SLC26A8: variants seen among roughly 807,000 people sequenced by gnomAD.
SLC26A8 encodes testis anion transporter 1.
A neutral mutation model predicts 105.0 loss-of-function variants in SLC26A8; 70 were observed. The ratio of observed to expected loss-of-function variants is 0.67; its 90% confidence interval spans 0.55 to 0.81. The LOEUF is 0.81. SLC26A8 is among the 40% of genes least tolerant of loss of function. The probability of loss-of-function intolerance (pLI) is 0.00; values close to 1 mark genes in which losing one functional copy is unlikely to be tolerated. For missense variants in SLC26A8, 998 were observed against 1,181.8 expected (o/e 0.84, Z 2.28); for synonymous variants, 415 against 438.3 (o/e 0.95, Z 0.66).
chr6:35,953,378 T>C lies in SLC26A8; in HGVS notation c.2232+1774A>G, dbSNP rs545418942. On this transcript the variant is annotated intron_variant, in intron 17 of 19. Coordinates refer to ENST00000490799, the MANE Select transcript of SLC26A8 (RefSeq NM_052961.4). ...AGAGAAAGTATGATATAAAGTCAGA[T>C]ACTTAAAAGTTTCAATGCTGGACAG... Among the ~76,000 whole-genome samples the C allele has an allele frequency of 8.0e-5, 12 of 150,396 alleles. No homozygotes were observed. The South Asian group carries it at 2.3e-3, about 29-fold the overall frequency.
rs1252814355 is a variant in SLC26A8, at chr6:36,000,083, C to T, written c.354G>A (p.Arg118=). Reference sequence around the variant, plus strand: ...CGATGTTGAGAGGAGGAATCAGTTGCCTTGCCAGCAAACTAAGTGTCAGGC... The same window carrying T: ...CGATGTTGAGAGGAGGAATCAGTTGTCTTGCCAGCAAACTAAGTGTCAGGC... The part of the protein sequence containing the change: ...PQGLTLSLLA[R]QLIPPLNIAY... The change falls in exon 4 of 20, where the codon AGG becomes AGA. Residue 118 remains arginine (R), a synonymous_variant. Coordinates refer to ENST00000490799, the MANE Select transcript of SLC26A8 (RefSeq NM_052961.4). 6.2e-7 allele frequency: 1 copy of T among 1,613,904 alleles called. No homozygotes were observed. Among genetic ancestry groups the T allele is most frequent in the Non-Finnish European group, 8.5e-7 (1 of 1,179,860 alleles).
intron 7 of SLC26A8, among the ~76,000 whole-genome samples, chr6:35,986,410 C>G (rs151009960): frequency 7.9e-5 from 12 of 152,180 alleles, no homozygotes; most frequent in Non-Finnish European, 1.6e-4. Flanking sequence ...TTGTTACTAA[C>G]TGTAGTTACT....
intron 1 of SLC26A8, among the ~76,000 whole-genome samples, chr6:36,022,164 G>A (rs575341223): frequency 1.3e-5 from 2 of 151,266 alleles, no homozygotes; most frequent in African/African-American, 2.4e-5. Flanking sequence ...ACAGGGTTTC[G>A]CCATGTTGGC....
At chr6:35,991,112 A>T (rs1310859687) in intron 7 of SLC26A8, among the ~76,000 whole-genome samples, 7 of 152,074 alleles carry the variant, frequency 4.6e-5, no homozygotes, top group Non-Finnish European at 1.0e-4. Context: ...ATTAAAAATG[A>T]TAATTAGGCC....
At chr6:35,950,036 A>T (rs553016941) in intron 19 of SLC26A8, among the ~76,000 whole-genome samples, 1 of 152,212 alleles carries the variant, frequency 6.6e-6, no homozygotes, top group East Asian at 1.9e-4. Flanking sequence ...TGACCTAGTG[A>T]TTCGCCTGCC....
rs1270646855 is a variant in SLC26A8 at position 35,961,168 on chromosome 6, G to A, written c.1462-69C>T. 3 of 1,243,660 alleles carry A rather than the reference G, an allele frequency of 2.4e-6. No individual in the cohort carries two copies. In the African/African-American group the frequency reaches 4.5e-5, roughly 19 times the overall value. The allele number at this position is 1,243,660 out of a possible 1,614,324, so 77.0% of individuals were successfully genotyped here. On this transcript the variant is annotated intron_variant, in intron 12 of 19. Transcript: ENST00000490799. ...TTCAACTGAGAAAATGATCAGTCCT[G>A]TTTCTCAACTCACCTTCACCCTCTC...
chr6:36,001,136 C>CA (rs1554167377), intron 3 of SLC26A8, among the ~76,000 whole-genome samples: 1 of 149,470 alleles, frequency 6.7e-6, no homozygotes, highest in Non-Finnish European at 1.5e-5. Flanking sequence ...TATTCTTTTT[C>CA]TTTTTTTTTT....
rs1772022193 is a variant in SLC26A8 at position 35,955,409 on chromosome 6, C to T, written c.1975G>A (p.Asp659Asn). ...GACGATACTGTGTATGGCACTTGGT[C>T]TTCGGATGCAGTTTGGCTTGTGTTC... ...SMNTSQTASEDQVPYTVSSVS... is the reference protein window; with the variant it reads ...SMNTSQTASENQVPYTVSSVS... Residue 659 changes from aspartate to asparagine, a missense_variant, in exon 17 of 20, where the codon GAC becomes AAC. Transcript: ENST00000490799. 3.7e-6 allele frequency: 6 copies of T among 1,614,068 alleles called. No individual in the cohort carries two copies. Among genetic ancestry groups the T allele is most frequent in the Admixed American group, 1.7e-5 (1 of 59,996 alleles).
At chr6:35,990,601 C>T (rs1396898475) in intron 7 of SLC26A8, among the ~76,000 whole-genome samples, 1 of 152,134 alleles carries the variant, frequency 6.6e-6, no homozygotes, top group African/African-American at 2.4e-5. Flanking sequence ...TGAGCTGCCT[C>T]AATTTCCTTA....
At chr6:35,983,844 T>C (rs1230425889) in intron 7 of SLC26A8, among the ~76,000 whole-genome samples, 2 of 152,084 alleles carry the variant, frequency 1.3e-5, no homozygotes, top group South Asian at 2.1e-4. Flanking sequence ...CGTGAGCCAC[T>C]GTGCCTGGCC....
At chr6:35,950,085 T>G (rs1771813865) in intron 19 of SLC26A8, among the ~76,000 whole-genome samples, 1 of 152,056 alleles carries the variant, frequency 6.6e-6, no homozygotes, top group African/African-American at 2.4e-5. Flanking sequence ...GCGTGAGCCA[T>G]CTCGCCCGCC....
chr6:36,013,169 C>T (rs182212192), intron 2 of SLC26A8, among the ~76,000 whole-genome samples: 71 of 151,890 alleles, frequency 4.7e-4, no homozygotes, highest in Middle Eastern at 6.8e-3. Flanking sequence ...CAGTTTTGTT[C>T]CCCTGTGTAC....
chr6:35,943,956 T>C lies in SLC26A8; in HGVS notation c.2857A>G (p.Arg953Gly). Residue 953 changes from arginine (R) to glycine (G), a missense_variant, in exon 20 of 20, where the codon AGA (arginine) becomes GGA (glycine). Coordinates refer to ENST00000490799, the MANE Select transcript of SLC26A8 (RefSeq NM_052961.4). Reference sequence around the variant, plus strand: ...GAGTATGAATCCATAGGATGGCGTCTCCTCTCCACTGACCATGTCCGAGTC... The same window carrying C: ...GAGTATGAATCCATAGGATGGCGTCCCCTCTCCACTGACCATGTCCGAGTC... ...TQTRTWSVER[R>G]RHPMDSYSPE... 1.2e-6 allele frequency: 2 copies of C among 1,614,136 alleles called. No homozygotes were observed. The highest frequency in any genetic ancestry group is 1.7e-6 in the Non-Finnish European group (2 of 1,180,014).
chr6:36,022,150 G>A (rs1003199648), intron 1 of SLC26A8, among the ~76,000 whole-genome samples: 10 of 151,852 alleles, frequency 6.6e-5, no homozygotes, highest in Admixed American at 5.9e-4. Flanking sequence ...TATTTTTGGT[G>A]GAGACAGGGT....
intron 12 of SLC26A8, among the ~76,000 whole-genome samples, chr6:35,962,256 G>T (rs1366086717): frequency 6.6e-6 from 1 of 151,740 alleles, no homozygotes; most frequent in Non-Finnish European, 1.5e-5. Context: ...ATCCAAATAT[G>T]CGATGAATGA....
At chr6:35,962,440 A>G in intron 12 of SLC26A8, 86 bp downstream of exon 12, 2 of 1,104,112 alleles carry the variant, frequency 1.8e-6, no homozygotes, top group East Asian at 2.4e-5. Flanking sequence ...CTTTAGGTCC[A>G]TGGCAGATCT....
Position 35,955,335 on chromosome 6 carries a change from A to C in SLC26A8, c.2049T>G (p.Val683=). Residue 683 remains valine (V), a synonymous_variant, in exon 17 of 20, where the codon GTT becomes GTG. Transcript: ENST00000490799. ...QGQQYEEVEE[V]WLPNNSSRNS... is the part of the protein sequence containing the mutation. The stretch of plus-strand genomic sequence containing the variant: ...TTCTTGATGAGTTATTAGGAAGCCA[A>C]ACTTCCTCCACCTCCTCATACTGTT... The C allele has an allele frequency of 1.2e-6, 2 of 1,614,188 alleles. No individual in the cohort carries two copies. Among genetic ancestry groups the C allele is most frequent in the South Asian group, 1.1e-5 (1 of 91,074 alleles).
chr6:35,956,865 G>A (rs1772088709), intron 16 of SLC26A8, among the ~76,000 whole-genome samples: 1 of 151,404 alleles, frequency 6.6e-6, no homozygotes, highest in African/African-American at 2.4e-5. Flanking sequence ...GTTGCAGGGA[G>A]TTGAAATTGT....
intron 8 of SLC26A8, among the ~76,000 whole-genome samples, chr6:35,980,658 C>T (rs1773231467): frequency 6.6e-6 from 1 of 152,084 alleles, no homozygotes; most frequent in Admixed American, 6.6e-5. Flanking sequence ...ATTCAGCCAT[C>T]GTCAGATTTC....
Sources: gnomAD v4.1 joint callset for allele counts (sites outside exome capture counted in the v4.1 genomes callset) on GRCh38, gnomAD v4.1.1 for gene constraint, MANE v1.5 for transcripts, NCBI Gene and HGNC (gene_info 2026-07-23, HGNC 2026-07-21) for gene names.